Variants in VTI1A observed in about 807,000 individuals in gnomAD.
VTI1A encodes vesicle transport through interaction with t-SNAREs 1A, also known as vesicle transport through interaction with t-SNAREs homolog 1A.
VTI1A carries 22 observed loss-of-function variants against 34.9 expected under a neutral mutation model. That is an observed-to-expected ratio of 0.63 (90% CI 0.45 to 0.90). The LOEUF (loss-of-function observed/expected upper bound fraction) is 0.90, where lower values mean the gene tolerates loss of function less well. Ranked by LOEUF, VTI1A falls within the 40% of genes least tolerant of loss-of-function variation. The pLI, the probability that VTI1A is intolerant of heterozygous loss-of-function variation, is 0.00. For missense variants in VTI1A, 268 were observed against 275.6 expected (o/e 0.97, Z 0.20); for synonymous variants, 87 against 97.3 (o/e 0.89, Z 0.62).
At chr10:112,492,159 G>A (rs952234829) in intron 3 of VTI1A, among the ~76,000 whole-genome samples, 12 of 152,198 alleles carry the variant, frequency 7.9e-5, no homozygotes, top group East Asian at 7.7e-4. Context: ...AGATTCTGTC[G>A]TCTCCAATCT....
At chr10:112,638,824 T>TC (rs904067527) in intron 5 of VTI1A, among the ~76,000 whole-genome samples, 12 of 151,274 alleles carry the variant, frequency 7.9e-5, no homozygotes, top group Non-Finnish European at 1.8e-4. Flanking sequence ...GGTTGGGCTT[T>TC]TTTTTTTTTT....
intron 7 of VTI1A, among the ~76,000 whole-genome samples, chr10:112,696,736 G>A (rs1300161675): frequency 1.3e-5 from 2 of 152,154 alleles, no homozygotes; most frequent in African/African-American, 2.4e-5. Flanking sequence ...GTGCACTCTG[G>A]AATTTGTTTA....
intron 3 of VTI1A, among the ~76,000 whole-genome samples, chr10:112,520,621 A>ATGTG (rs150383079): frequency 0.012 from 1,709 of 137,998 alleles, 16 homozygotes; most frequent in Non-Finnish European, 0.019. Context: ...TAGTCTCTAT[A>ATGTG]TGTGTGTGTG....
chr10:112,481,277 G>T (rs562149235), intron 3 of VTI1A, among the ~76,000 whole-genome samples: 103 of 152,198 alleles, frequency 6.8e-4, no homozygotes, highest in Non-Finnish European at 8.2e-4. Context: ...GTAAAGTTAG[G>T]TGTTAGTTGG....
chr10:112,757,222 A>T (rs1054011183), intron 7 of VTI1A, among the ~76,000 whole-genome samples: 1 of 152,018 alleles, frequency 6.6e-6, no homozygotes, highest in Admixed American at 6.6e-5. Context: ...CCATGACACA[A>T]AATTGCTATG....
intron 5 of VTI1A, among the ~76,000 whole-genome samples, chr10:112,643,738 A>G (rs1325811569): frequency 6.6e-6 from 1 of 152,238 alleles, no homozygotes; most frequent in Non-Finnish European, 1.5e-5. Flanking sequence ...CTCTTTGCTT[A>G]TTAATGTACA....
chr10:112,496,151 CA>C, intron 3 of VTI1A, among the ~76,000 whole-genome samples: 1 of 124,736 alleles, frequency 8.0e-6, no homozygotes, highest in African/African-American at 3.1e-5. Context: ...TCACTTGAGC[CA>C]AGAATTCAAG....
chr10:112,752,399 G>T (rs1851134807), intron 7 of VTI1A: 1 of 985,278 alleles, frequency 1.0e-6, no homozygotes, highest in African/African-American at 1.7e-5. Flanking sequence ...AAGCAGAGCT[G>T]ATATCTCTTT....
At chr10:112,828,243 A>G in the VTI1A span, among the ~76,000 whole-genome samples, 1 of 152,130 alleles carries the variant, frequency 6.6e-6, no homozygotes, top group African/African-American at 2.4e-5. Flanking sequence ...CAGAGTCCTC[A>G]TGATTCTGGG....
intron 7 of VTI1A, among the ~76,000 whole-genome samples, chr10:112,693,024 A>G (rs1331975342): frequency 6.6e-6 from 1 of 152,240 alleles, no homozygotes; most frequent in East Asian, 1.9e-4. Flanking sequence ...ACCACAGCAA[A>G]CACAAATATC....
chr10:112,595,607 A>G (rs1468819369), intron 5 of VTI1A, among the ~76,000 whole-genome samples: 2 of 152,110 alleles, frequency 1.3e-5, no homozygotes, highest in African/African-American at 2.4e-5. Flanking sequence ...CAAAACCACA[A>G]TGAGATACCA....
At chr10:112,687,800 T>A (rs1170623266) in intron 7 of VTI1A, among the ~76,000 whole-genome samples, 1 of 152,042 alleles carries the variant, frequency 6.6e-6, no homozygotes, top group East Asian at 1.9e-4. Flanking sequence ...TTCATCAGCA[T>A]GACTAAAGCT....
Position 112,526,201 on chromosome 10 carries a change from T to C in VTI1A, c.265-886T>C, listed in dbSNP as rs922302120. On this transcript the variant is annotated intron_variant, in intron 3 of 7. Coordinates refer to ENST00000393077, the MANE Select transcript of VTI1A (RefSeq NM_145206.4). Reference sequence around the variant, plus strand: ...CAACGAATTTTCAGTCTTTTGGCTTTTCCAAATGTGTATACATTTAGATAA... The same window carrying C: ...CAACGAATTTTCAGTCTTTTGGCTTCTCCAAATGTGTATACATTTAGATAA... Among the ~76,000 whole-genome samples, 5 of 152,346 alleles carry C rather than the reference T, an allele frequency of 3.3e-5. No homozygotes were observed. The South Asian group carries it at 1.0e-3, about 32-fold the overall frequency.
intron 5 of VTI1A, among the ~76,000 whole-genome samples, chr10:112,596,210 C>T (rs1844636742): frequency 6.6e-6 from 1 of 151,758 alleles, no homozygotes; most frequent in Non-Finnish European, 1.5e-5. Flanking sequence ...ATACCTAATG[C>T]TAAATGATGG....
At chr10:112,536,730 T>A (rs1466801906) in intron 4 of VTI1A, among the ~76,000 whole-genome samples, 1 of 152,064 alleles carries the variant, frequency 6.6e-6, no homozygotes, top group Non-Finnish European at 1.5e-5. Context: ...AAATGCATTG[T>A]TTTAATGATT....
At chr10:112,641,921 A>G (rs1459705361) in intron 5 of VTI1A, among the ~76,000 whole-genome samples, 1 of 152,188 alleles carries the variant, frequency 6.6e-6, no homozygotes, top group Non-Finnish European at 1.5e-5. Flanking sequence ...TTTGTGAGTG[A>G]CCGGAAACAG....
intron 7 of VTI1A, among the ~76,000 whole-genome samples, chr10:112,786,984 T>A (rs2134048075): frequency 6.6e-6 from 1 of 152,332 alleles, no homozygotes; most frequent in South Asian, 2.1e-4. Flanking sequence ...AACAGTATTA[T>A]TTCTTTCATA....
the VTI1A span, among the ~76,000 whole-genome samples, chr10:112,854,851 G>A: frequency 1.2e-4 from 19 of 152,164 alleles, no homozygotes; most frequent in African/African-American, 1.9e-4. Flanking sequence ...CTGCACTCCC[G>A]TCTTCCTTCC....
chr10:112,527,120 C>T lies in VTI1A; in HGVS notation c.298C>T (p.Arg100Trp), dbSNP rs769839591. ...ACGGATCGCCTACAGTGACGAAGTACGGAATGAGCTCCTGGGGGATGATGG... is the reference window on the plus strand; with the variant it reads ...ACGGATCGCCTACAGTGACGAAGTATGGAATGAGCTCCTGGGGGATGATGG... ...RSRIAYSDEV[R>W]NELLGDDGNS... is the part of the protein sequence containing the mutation. Residue 100 changes from arginine to tryptophan, a missense_variant, in exon 4 of 8, where the codon CGG (arginine) becomes TGG (tryptophan). Physicochemically the swap from Arg to Trp is moderately radical, Grantham distance 101. Coordinates refer to ENST00000393077, the MANE Select transcript of VTI1A (RefSeq NM_145206.4). The T allele has an allele frequency of 3.7e-5, 59 of 1,613,200 alleles. No homozygotes were observed. Among genetic ancestry groups the T allele is most frequent in the Non-Finnish European group, 4.5e-5 (53 of 1,179,642 alleles).
Sources: allele counts gnomAD v4.1 joint callset (sites outside exome capture counted in the v4.1 genomes callset), GRCh38; gene constraint gnomAD v4.1.1; transcripts MANE v1.5; gene names NCBI Gene and HGNC (gene_info 2026-07-23, HGNC 2026-07-21).